NPLOC4: variants seen among roughly 807,000 people sequenced by gnomAD.
NPLOC4 encodes the protein NPL4 homolog, ubiquitin recognition factor.
NPLOC4 carries 18 observed loss-of-function variants against 80.6 expected under a neutral mutation model. That is an observed-to-expected ratio of 0.22 (90% CI 0.15 to 0.33). The LOEUF is 0.33. NPLOC4 is among the 10% of genes least tolerant of loss of function. The pLI, the probability that NPLOC4 is intolerant of heterozygous loss-of-function variation, is 1.00. For synonymous variants in NPLOC4, 313 were observed against 301.5 expected (o/e 1.04, Z -0.39); for missense variants, 540 against 786.1 (o/e 0.69, Z 3.74).
intron 4 of NPLOC4, 167 bp downstream of exon 4, chr17:81,613,150 TA>T: frequency 1.9e-6 from 1 of 534,904 alleles, no homozygotes; most frequent in Non-Finnish European, 2.9e-6. Flanking sequence ...CAAAAACCGA[TA>T]AAAAGCTAAC....
At chr17:81,589,813 C>T (rs569658427) in intron 11 of NPLOC4, among the ~76,000 whole-genome samples, 2 of 144,532 alleles carry the variant, frequency 1.4e-5, no homozygotes, top group East Asian at 4.1e-4. Flanking sequence ...GTCTGGGCAA[C>T]ATAGTGAGAC....
chr17:81,565,506 G>A lies in NPLOC4; in HGVS notation c.1668C>T (p.Cys556=), dbSNP rs1568116209. The A allele has an allele frequency of 7.8e-6, 12 of 1,547,946 alleles. No individual in the cohort carries two copies. The highest frequency in any genetic ancestry group is 1.0e-5 in the Non-Finnish European group (12 of 1,147,502). Residue 556 remains cysteine (C), a splice_region_variant and synonymous_variant, in exon 16 of 17, where the codon TGC becomes TGT. Coordinates refer to ENST00000331134, the MANE Select transcript of NPLOC4 (RefSeq NM_017921.4). Reference sequence around the variant, plus strand: ...GGGGCAGGGGGTGGGGGTACTCACTGCACAGCTGCTCGATGGTGGCCCACT... The same window carrying A: ...GGGGCAGGGGGTGGGGGTACTCACTACACAGCTGCTCGATGGTGGCCCACT... ...SEQWATIEQL[C]STVGGQLPGL... is the part of the protein sequence containing the mutation.
intron 12 of NPLOC4, among the ~76,000 whole-genome samples, chr17:81,587,675 T>TTC (rs2034621140): frequency 3.2e-5 from 1 of 31,708 alleles, no homozygotes; most frequent in Non-Finnish European, 1.1e-4. Flanking sequence ...AAAAAAGTTG[T>TTC]TTTTTTTTTT....
intron 16 of NPLOC4, chr17:81,561,009 G>C (rs186779380): frequency 6.6e-6 from 1 of 152,128 alleles, no homozygotes; most frequent in Non-Finnish European, 1.5e-5. Flanking sequence ...CGAGGCTGGA[G>C]TGCAATGGCG....
rs1490255055 is a variant in NPLOC4 at position 81,577,365 on chromosome 17, G to A, written c.1282-5277C>T. Among the ~76,000 whole-genome samples, 2 of 151,908 alleles carry A rather than the reference G, an allele frequency of 1.3e-5. No homozygotes were observed. Among genetic ancestry groups the A allele is most frequent in the Non-Finnish European group, 2.9e-5 (2 of 67,990 alleles). On this transcript the variant is annotated intron_variant, in intron 12 of 16. Coordinates refer to ENST00000331134, the MANE Select transcript of NPLOC4 (RefSeq NM_017921.4). This position sits in a 1 kb window ranked among gnomAD's most constrained non-coding sequence, Gnocchi z 4.3. ...CAGACCCTTCTCCTTGACCTCTTTA[G>A]AGCAGCCATCCTTGGAGTTGCTCAA... is the stretch of plus-strand genomic sequence containing the variant.
At chr17:81,609,925 C>T (rs192053881) in intron 5 of NPLOC4, among the ~76,000 whole-genome samples, 173 of 152,292 alleles carry the variant, frequency 1.1e-3, no homozygotes, top group Non-Finnish European at 1.9e-3. Context: ...TGTGTCAGAT[C>T]GGAAAAGGAT....
chr17:81,594,789 A>AT (rs1209788514), intron 11 of NPLOC4, among the ~76,000 whole-genome samples: 9 of 151,868 alleles, frequency 5.9e-5, no homozygotes, highest in Non-Finnish European at 1.2e-4. Context: ...AAAAAAAAAA[A>AT]TTAAAAATTA....
chr17:81,631,124 G>C (rs2035916246), intron 1 of NPLOC4, among the ~76,000 whole-genome samples: 1 of 152,098 alleles, frequency 6.6e-6, no homozygotes, highest in Non-Finnish European at 1.5e-5. Flanking sequence ...AGTGAGCCAA[G>C]ATCGTGCCAT....
At chr17:81,592,115 G>A (rs922383307) in intron 11 of NPLOC4, among the ~76,000 whole-genome samples, 3 of 152,200 alleles carry the variant, frequency 2.0e-5, no homozygotes, top group Admixed American at 6.5e-5. Flanking sequence ...AGGGAGAGGC[G>A]AGGCCTCCGC....
chr17:81,592,665 G>A (rs1378072989), intron 11 of NPLOC4, among the ~76,000 whole-genome samples: 1 of 152,126 alleles, frequency 6.6e-6, no homozygotes, highest in African/African-American at 2.4e-5. Context: ...CAGTTCTTCT[G>A]GCCCATGGAA....
intron 11 of NPLOC4, 134 bp downstream of exon 11, chr17:81,595,982 G>T: frequency 1.2e-6 from 1 of 843,194 alleles, no homozygotes; most frequent in East Asian, 2.6e-5. Flanking sequence ...TAAAAAGAAA[G>T]GAGGAATTTA....
At chr17:81,625,438 C>T (rs1319309233) in intron 2 of NPLOC4, among the ~76,000 whole-genome samples, 1 of 151,952 alleles carries the variant, frequency 6.6e-6, no homozygotes, top group African/African-American at 2.4e-5. Flanking sequence ...AGTAGATGTA[C>T]CCAAATAAAA....
rs563916392 is a variant in NPLOC4, at chr17:81,609,168, C to T, written c.436-346G>A. Among the ~76,000 whole-genome samples the T allele has an allele frequency of 3.3e-5, 5 of 152,272 alleles. No individual in the cohort carries two copies. In the South Asian group the frequency reaches 6.2e-4, roughly 19 times the overall value. On this transcript the variant is annotated intron_variant, in intron 5 of 16. Coordinates refer to ENST00000331134, the MANE Select transcript of NPLOC4 (RefSeq NM_017921.4). Reference sequence around the variant, plus strand: ...CCAAGTAGCTAGGACTACAGGTGCACGCCACCACGCCCAGCTTATTTTTGT... The same window carrying T: ...CCAAGTAGCTAGGACTACAGGTGCATGCCACCACGCCCAGCTTATTTTTGT...
intron 11 of NPLOC4, among the ~76,000 whole-genome samples, chr17:81,590,294 G>C (rs1381336713): frequency 2.0e-5 from 3 of 152,176 alleles, no homozygotes; most frequent in Non-Finnish European, 2.9e-5. Flanking sequence ...GAAGCCTCCA[G>C]AATGACTTCA....
chr17:81,623,941 T>C (rs1280096478), intron 2 of NPLOC4, among the ~76,000 whole-genome samples: 1 of 152,232 alleles, frequency 6.6e-6, no homozygotes, highest in African/African-American at 2.4e-5. Flanking sequence ...AGCAGTTCTA[T>C]GTGCTCAGCT....
chr17:81,594,106 T>C (rs1308250633), intron 11 of NPLOC4, among the ~76,000 whole-genome samples: 2 of 151,534 alleles, frequency 1.3e-5, no homozygotes, highest in East Asian at 2.0e-4. Context: ...ACCCCGTCTC[T>C]ACTAAAAATA....
At chr17:81,597,728 T>C (rs1281155731) in intron 9 of NPLOC4, among the ~76,000 whole-genome samples, 1 of 126,936 alleles carries the variant, frequency 7.9e-6, no homozygotes, top group African/African-American at 3.1e-5. Context: ...GGTTGCAGTG[T>C]GCCAGGATCG....
intron 12 of NPLOC4, among the ~76,000 whole-genome samples, 188 bp downstream of exon 12, chr17:81,588,756 T>A (rs1038547196): frequency 2.6e-5 from 4 of 152,210 alleles, no homozygotes; most frequent in Admixed American, 2.6e-4. Flanking sequence ...TGAGAAGCCC[T>A]ACGCCATGGA....
At chr17:81,623,226 C>A (rs1350993190) in intron 2 of NPLOC4, among the ~76,000 whole-genome samples, 1 of 151,390 alleles carries the variant, frequency 6.6e-6, no homozygotes, top group Non-Finnish European at 1.5e-5. Flanking sequence ...AATCTCAGCA[C>A]TATGGGAGGC....
Sources: gnomAD v4.1 joint callset for allele counts (sites outside exome capture counted in the v4.1 genomes callset) on GRCh38, gnomAD v4.1.1 for gene constraint, Gnocchi (gnomAD v3.1) non-coding constraint, MANE v1.5 for transcripts, NCBI Gene and HGNC (gene_info 2026-07-23, HGNC 2026-07-21) for gene names.